SEMA3A: variants seen among roughly 807,000 people sequenced by gnomAD.
SEMA3A encodes the protein semaphorin-3A.
In SEMA3A, 29 loss-of-function variants were observed where a neutral mutation model predicts 97.9. The observed-to-expected ratio is 0.30, with a 90% CI of 0.22 to 0.40. SEMA3A has a LOEUF of 0.40. Ranked by LOEUF, SEMA3A falls within the 10% of genes least tolerant of loss-of-function variation. The pLI, the probability that SEMA3A is intolerant of heterozygous loss-of-function variation, is 1.00. For synonymous variants in SEMA3A, 321 were observed against 323.7 expected (o/e 0.99, Z 0.09); for missense variants, 763 against 951.3 (o/e 0.80, Z 2.60).
At chr7:84,228,924 T>C (rs1799053331) in intron 3 of SEMA3A, among the ~76,000 whole-genome samples, 1 of 152,124 alleles carries the variant, frequency 6.6e-6, no homozygotes, top group Non-Finnish European at 1.5e-5. Flanking sequence ...AATATCTTTC[T>C]AAATTGTCCC....
At chr7:84,474,000 C>T (rs1003250431) in intron 1 of SEMA3A, among the ~76,000 whole-genome samples, 2 of 152,154 alleles carry the variant, frequency 1.3e-5, no homozygotes, top group Admixed American at 1.3e-4. Flanking sequence ...CCCTCCATGG[C>T]TGTGTGTTTT....
chr7:84,264,342 G>C (rs1799937662), intron 3 of SEMA3A, among the ~76,000 whole-genome samples: 1 of 152,080 alleles, frequency 6.6e-6, no homozygotes, highest in African/African-American at 2.4e-5. Flanking sequence ...CAACAATGTG[G>C]ATAATTCTTT....
At chr7:84,426,006 T>C (rs1228889) in intron 1 of SEMA3A, among the ~76,000 whole-genome samples, 68,922 of 150,710 alleles carry the variant, frequency 0.46, 17,353 homozygotes, top group East Asian at 0.78. Context: ...TAAATTCTCA[T>C]TTATATTTGG....
intron 5 of SEMA3A, among the ~76,000 whole-genome samples, chr7:84,056,491 TCAAA>T (rs1265172224): frequency 2.1e-4 from 32 of 151,874 alleles, no homozygotes; most frequent in Non-Finnish European, 4.4e-5. Context: ...GAGCAAAATA[TCAAA>T]CAAACTTAAA....
At chr7:84,243,744 A>G (rs2116384919) in intron 3 of SEMA3A, among the ~76,000 whole-genome samples, 1 of 151,932 alleles carries the variant, frequency 6.6e-6, no homozygotes, top group East Asian at 1.9e-4. Flanking sequence ...TTAGTGCTAT[A>G]AATTTCCCTC....
intron 12 of SEMA3A, among the ~76,000 whole-genome samples, chr7:83,998,403 A>G (rs1790303482): frequency 6.6e-6 from 1 of 152,172 alleles, no homozygotes; most frequent in African/African-American, 2.4e-5. Flanking sequence ...TATGGTAGAA[A>G]AGATTTTTAA....
chr7:84,091,487 A>C (rs1320605170), intron 4 of SEMA3A, among the ~76,000 whole-genome samples: 3 of 152,158 alleles, frequency 2.0e-5, no homozygotes, highest in Non-Finnish European at 4.4e-5. Flanking sequence ...ACACCTTATC[A>C]GGGCATGCTG....
At chr7:84,166,699 C>T (rs1162398029) in intron 1 of SEMA3A, among the ~76,000 whole-genome samples, 2 of 151,202 alleles carry the variant, frequency 1.3e-5, no homozygotes, top group Admixed American at 6.6e-5. Context: ...GGTGAAACCC[C>T]GTCTCTACTA....
chr7:84,348,996 C>G (rs953243475), intron 2 of SEMA3A, among the ~76,000 whole-genome samples: 1 of 151,834 alleles, frequency 6.6e-6, no homozygotes, highest in East Asian at 1.9e-4. Context: ...AAAAAAAGTT[C>G]TATATTTTTA....
chr7:84,180,030 T>G (rs1470649399), intron 1 of SEMA3A, among the ~76,000 whole-genome samples: 2 of 142,558 alleles, frequency 1.4e-5, no homozygotes, highest in African/African-American at 2.6e-5. Context: ...CACCACAACC[T>G]CCACCTCCCG....
chr7:84,431,802 A>T (rs1804988350), intron 1 of SEMA3A, among the ~76,000 whole-genome samples: 1 of 152,028 alleles, frequency 6.6e-6, no homozygotes, highest in South Asian at 2.1e-4. Flanking sequence ...CAAAGACTTA[A>T]GGGTACCCTG....
chr7:84,224,784 C>G (rs75492349), intron 3 of SEMA3A, among the ~76,000 whole-genome samples: 1 of 151,992 alleles, frequency 6.6e-6, no homozygotes, highest in South Asian at 2.1e-4. Flanking sequence ...AGTTGAATAA[C>G]GGTTCTTTTA....
At chr7:84,443,526 G>C (rs1805325876) in intron 1 of SEMA3A, among the ~76,000 whole-genome samples, 1 of 152,086 alleles carries the variant, frequency 6.6e-6, no homozygotes, top group Admixed American at 6.5e-5. Context: ...GAAACAAAAA[G>C]TGTCAGAAGG....
intron 6 of SEMA3A, 76 bp from the exon 7 acceptor site, chr7:84,014,427 T>G: frequency 9.0e-7 from 1 of 1,115,520 alleles, no homozygotes; most frequent in Non-Finnish European, 1.3e-6. Context: ...CCATTTTTAC[T>G]TTTTTTAACT....
chr7:84,081,757 T>A (rs1029568327), intron 4 of SEMA3A, among the ~76,000 whole-genome samples: 1 of 152,006 alleles, frequency 6.6e-6, no homozygotes, highest in African/African-American at 2.4e-5. Context: ...ACTTATTACA[T>A]CCATATATGC....
At chr7:84,288,723 A>C (rs543075788) in intron 3 of SEMA3A, among the ~76,000 whole-genome samples, 36 of 151,932 alleles carry the variant, frequency 2.4e-4, no homozygotes, top group Non-Finnish European at 4.7e-4. Flanking sequence ...CAAAACAAAA[A>C]CAAAAAAAAC....
At chr7:84,139,350 G>C (rs1238912174) in intron 1 of SEMA3A, among the ~76,000 whole-genome samples, 1 of 151,970 alleles carries the variant, frequency 6.6e-6, no homozygotes, top group Non-Finnish European at 1.5e-5. Context: ...ACTTCTACAT[G>C]CTGTGTCGAG....
intron 6 of SEMA3A, among the ~76,000 whole-genome samples, chr7:84,027,641 A>T (rs1035035863): frequency 2.6e-5 from 4 of 152,162 alleles, no homozygotes; most frequent in Admixed American, 6.5e-5. Context: ...TCAAACAGAC[A>T]CTATTATATA....
At chr7:84,373,324 C>A (rs1005430777) in intron 1 of SEMA3A, among the ~76,000 whole-genome samples, 1 of 152,170 alleles carries the variant, frequency 6.6e-6, no homozygotes, top group Non-Finnish European at 1.5e-5. Flanking sequence ...GCACAGAAAT[C>A]AGTCATCTAC....
Sources: allele counts gnomAD v4.1 joint callset (sites outside exome capture counted in the v4.1 genomes callset), GRCh38; gene constraint gnomAD v4.1.1; transcripts MANE v1.5; gene names NCBI Gene and HGNC (gene_info 2026-07-23, HGNC 2026-07-21).